Variants in ZNF385D observed in about 807,000 individuals in gnomAD.
ZNF385D encodes zinc finger protein 385D, also known as zinc finger protein 659.
ZNF385D carries 15 observed loss-of-function variants against 35.8 expected under a neutral mutation model. The ratio of observed to expected loss-of-function variants is 0.42; its 90% confidence interval spans 0.28 to 0.64. The LOEUF (loss-of-function observed/expected upper bound fraction) is 0.64. Among genes scored for constraint, ZNF385D ranks in the 30% least tolerant of loss-of-function variants. ZNF385D has a pLI of 0.23. For missense variants in ZNF385D, 474 were observed against 494.6 expected (o/e 0.96, Z 0.39); for synonymous variants, 212 against 186.8 (o/e 1.13, Z -1.10).
Position 21,594,625 on chromosome 3 carries a change from A to G in ZNF385D, c.166-29941T>C, listed in dbSNP as rs558056346. 2.6e-5 allele frequency among the ~76,000 whole-genome samples: 4 copies of G among 152,334 alleles called. No individual in the cohort carries two copies. In the South Asian group the frequency reaches 6.2e-4, roughly 24 times the overall value. On this transcript the variant is annotated intron_variant, in intron 2 of 7. Coordinates refer to ENST00000281523, the MANE Select transcript of ZNF385D (RefSeq NM_024697.3). ...TCAACTAAAGGCCCTTTAAGCAGAC[A>G]TGACATAGCCACCGGGAATTTAAAG...
chr3:21,425,036 C>A (rs780426583), intron 6 of ZNF385D, among the ~76,000 whole-genome samples: 1 of 152,106 alleles, frequency 6.6e-6, no homozygotes, highest in Non-Finnish European at 1.5e-5. Context: ...ACATACAGAA[C>A]AACACCATAT....
chr3:21,908,157 T>TCTATCTATCTATCTAC (rs1553696867), intron 3 of ZNF385D, among the ~76,000 whole-genome samples: 5,519 of 150,248 alleles, frequency 0.037, 148 homozygotes, highest in Middle Eastern at 0.048. Context: ...TATCTATCTA[T>TCTATCTATCTATCTAC]CTATCTATCT....
chr3:21,669,705 C>T (rs565928347), intron 1 of ZNF385D, among the ~76,000 whole-genome samples: 4 of 152,278 alleles, frequency 2.6e-5, no homozygotes, highest in East Asian at 1.9e-4. Flanking sequence ...GGCCAACTGG[C>T]GCTCACCACA....
intron 2 of ZNF385D, among the ~76,000 whole-genome samples, chr3:21,639,205 A>C (rs140400902): frequency 6.6e-6 from 1 of 151,682 alleles, no homozygotes; most frequent in Admixed American, 6.6e-5. Flanking sequence ...TCCCTGCTTT[A>C]TTTTTTTTCC....
chr3:22,218,078 T>C (rs1042761551), intron 2 of ZNF385D, among the ~76,000 whole-genome samples: 7 of 152,150 alleles, frequency 4.6e-5, no homozygotes, highest in Admixed American at 6.6e-5. Flanking sequence ...TTGACTTATC[T>C]TGGTTATTTT....
chr3:21,698,008 T>A (rs1009252163), intron 1 of ZNF385D, among the ~76,000 whole-genome samples: 1 of 152,106 alleles, frequency 6.6e-6, no homozygotes, highest in Non-Finnish European at 1.5e-5. Flanking sequence ...GGAATGTAAA[T>A]TAGTGCAACC....
intron 2 of ZNF385D, among the ~76,000 whole-genome samples, chr3:22,188,163 C>T (rs907195619): frequency 1.3e-5 from 2 of 152,042 alleles, no homozygotes; most frequent in African/African-American, 4.8e-5. Flanking sequence ...AAAGACGAAA[C>T]CGAATTTTCA....
chr3:21,693,872 CT>C (rs375360816), intron 1 of ZNF385D, among the ~76,000 whole-genome samples: 10 of 142,506 alleles, frequency 7.0e-5, no homozygotes, highest in Middle Eastern at 3.6e-3. Flanking sequence ...TTTAGAAAAT[CT>C]TTTTTTTTCT....
chr3:22,030,075 T>C (rs1464232255), intron 3 of ZNF385D, among the ~76,000 whole-genome samples: 1 of 150,224 alleles, frequency 6.7e-6, no homozygotes, highest in Non-Finnish European at 1.5e-5. Context: ...CATGCAAGAG[T>C]GAGATGAGCC....
chr3:22,295,234 ATAC>A (rs993246675), intron 2 of ZNF385D, among the ~76,000 whole-genome samples: 2 of 152,162 alleles, frequency 1.3e-5, no homozygotes, highest in Admixed American at 6.6e-5. Context: ...TTATAGTAAA[ATAC>A]TACTAAAACA....
chr3:22,200,957 T>C (rs1490581270), intron 2 of ZNF385D, among the ~76,000 whole-genome samples: 1 of 152,118 alleles, frequency 6.6e-6, no homozygotes, highest in Non-Finnish European at 1.5e-5. Flanking sequence ...GGTGTCCAGA[T>C]TTCATATTGT....
chr3:22,171,063 T>C (rs922452112), intron 2 of ZNF385D, among the ~76,000 whole-genome samples: 2 of 152,226 alleles, frequency 1.3e-5, no homozygotes, highest in Non-Finnish European at 2.9e-5. Flanking sequence ...TGGCTTGGTT[T>C]CCTTTAGCAT....
intron 2 of ZNF385D, among the ~76,000 whole-genome samples, chr3:22,194,623 C>G (rs2125231391): frequency 6.6e-6 from 1 of 151,948 alleles, no homozygotes; most frequent in Admixed American, 6.6e-5. Context: ...ACATAAAACA[C>G]CACATCACCC....
intron 3 of ZNF385D, among the ~76,000 whole-genome samples, chr3:22,020,614 G>C (rs1051797545): frequency 1.3e-5 from 2 of 151,974 alleles, no homozygotes; most frequent in Admixed American, 6.6e-5. Context: ...TTATTAAAAA[G>C]TCAAGAAATA....
At chr3:21,619,325 G>T (rs889402708) in intron 2 of ZNF385D, among the ~76,000 whole-genome samples, 1 of 152,094 alleles carries the variant, frequency 6.6e-6, no homozygotes, top group African/African-American at 2.4e-5. Flanking sequence ...GGCTTGTTGT[G>T]TGTGGGTACA....
chr3:21,715,524 T>C (rs73046243), intron 1 of ZNF385D, among the ~76,000 whole-genome samples: 5,408 of 152,286 alleles, frequency 0.036, 172 homozygotes, highest in South Asian at 0.12. Context: ...GGTGATTCCA[T>C]ATCTTTGCTA....
chr3:22,133,685 CA>C (rs1703937466), intron 3 of ZNF385D: 1 of 151,764 alleles, frequency 6.6e-6, no homozygotes, highest in African/African-American at 2.4e-5. Flanking sequence ...ATATATCAAG[CA>C]ACTATCAGAA....
chr3:21,799,564 A>G (rs1251114682), intron 3 of ZNF385D, among the ~76,000 whole-genome samples: 2 of 152,090 alleles, frequency 1.3e-5, no homozygotes, highest in Admixed American at 6.6e-5. Flanking sequence ...CCATTTATAT[A>G]TCTTCTTTGG....
rs1695947948 is a variant in ZNF385D at position 22,003,021 on chromosome 3, A to G, written c.325+165796T>C. On this transcript the variant is annotated intron_variant, in intron 3 of 5. Transcript: ENST00000494108. ...TTTCTCTAAGAACTAGAATAAGAAAAGGATGCCCACTCTTACCACTCTTAC... is the reference window on the plus strand; with the variant it reads ...TTTCTCTAAGAACTAGAATAAGAAAGGGATGCCCACTCTTACCACTCTTAC... 1.3e-5 allele frequency among the ~76,000 whole-genome samples: 2 copies of G among 152,200 alleles called. 1 individual carries two copies. Among genetic ancestry groups the G allele is most frequent in the South Asian group, 4.1e-4 (2 of 4,830 alleles).
Sources: gnomAD v4.1 joint callset for allele counts (sites outside exome capture counted in the v4.1 genomes callset) on GRCh38, gnomAD v4.1.1 for gene constraint, MANE v1.5 for transcripts, NCBI Gene and HGNC (gene_info 2026-07-23, HGNC 2026-07-21) for gene names.